NBEAL1: variants seen among roughly 807,000 people sequenced by gnomAD.
NBEAL1 encodes neurobeachin-like protein 1.
Under a neutral mutation model 351.3 loss-of-function variants are expected in NBEAL1, and 273 were observed. That is an observed-to-expected ratio of 0.78 (90% CI 0.70 to 0.86). The LOEUF is 0.86. NBEAL1 is among the 40% of genes least tolerant of loss of function. NBEAL1 has a pLI of 0.00. For missense variants in NBEAL1, 2,961 were observed against 3,201.3 expected, an observed-to-expected ratio of 0.92 and a Z score of 1.81; for synonymous variants, 1,050 against 1,086.4, an observed-to-expected ratio of 0.97 and a Z score of 0.66.
intron 18 of NBEAL1, among the ~76,000 whole-genome samples, chr2:203,119,538 G>A (rs942421608): frequency 7.0e-6 from 1 of 143,216 alleles, no homozygotes; most frequent in Non-Finnish European, 1.5e-5. Flanking sequence ...CGATTCTCCT[G>A]CCTCAGCCTC....
rs2065442021 is a variant in NBEAL1, at chr2:203,202,920, T to A, written c.7506+139T>A. 16 of 589,384 alleles carry A rather than the reference T, an allele frequency of 2.7e-5. No individual in the cohort carries two copies. In the South Asian group the frequency reaches 3.4e-4, roughly 13 times the overall value. 36.5% of individuals were successfully genotyped at this position (589,384 alleles called of 1,614,324 possible). On this transcript the variant is annotated intron_variant, in intron 51 of 55. Transcript: ENST00000683969. ...TATTCTTTTTACCCACATTTTGTCC[T>A]GTTCAAATCACCACATTTTTTCCTA...
chr2:203,050,440 T>G (rs1461901688), intron 4 of NBEAL1, among the ~76,000 whole-genome samples: 1 of 152,174 alleles, frequency 6.6e-6, no homozygotes, highest in African/African-American at 2.4e-5. Flanking sequence ...ATAGCAACAT[T>G]AGCCAACATT....
intron 35 of NBEAL1, 54 bp from the exon 36 acceptor site, chr2:203,157,645 G>T: frequency 7.4e-7 from 1 of 1,348,082 alleles, no homozygotes; most frequent in Non-Finnish European, 1.0e-6. Context: ...TTACAGAAAG[G>T]CTATAATATT....
At chr2:203,148,756 T>TGTTG (rs1159231526) in intron 33 of NBEAL1, among the ~76,000 whole-genome samples, 1 of 151,892 alleles carries the variant, frequency 6.6e-6, no homozygotes, top group Non-Finnish European at 1.5e-5. Context: ...ACGTGTTTAT[T>TGTTG]GTTGGTTGGT....
rs560030924 is a variant in NBEAL1 at position 203,187,175 on chromosome 2, C to T, written c.6706-1297C>T. Among the ~76,000 whole-genome samples the T allele has an allele frequency of 2.1e-5, 3 of 146,182 alleles. No individual in the cohort carries two copies. In the South Asian group the frequency reaches 6.2e-4, roughly 30 times the overall value. Reference sequence around the variant, plus strand: ...GTCCTCCTGGGCTCAGGTGATCCTCCCACCTCAGCCTCCTGAGTAGCTGGG... The same window carrying T: ...GTCCTCCTGGGCTCAGGTGATCCTCTCACCTCAGCCTCCTGAGTAGCTGGG... On this transcript the variant is annotated intron_variant, in intron 44 of 55. Coordinates refer to ENST00000683969, the MANE Select transcript of NBEAL1 (RefSeq NM_001378026.1).
At chr2:203,134,230 C>T (rs963179318) in intron 27 of NBEAL1, among the ~76,000 whole-genome samples, 2 of 151,988 alleles carry the variant, frequency 1.3e-5, no homozygotes, top group African/African-American at 2.4e-5. Flanking sequence ...TTCCTTTTCA[C>T]GTATAATTAG....
At chr2:203,078,967 C>G (rs2061825952) in intron 8 of NBEAL1, among the ~76,000 whole-genome samples, 1 of 152,120 alleles carries the variant, frequency 6.6e-6, no homozygotes, top group Admixed American at 6.6e-5. Context: ...AATGTAACTT[C>G]CAAGAAGAAA....
At chr2:203,206,596 T>G (rs1023655606) in intron 51 of NBEAL1, among the ~76,000 whole-genome samples, 4 of 31,306 alleles carry the variant, frequency 1.3e-4, no homozygotes, top group Non-Finnish European at 2.0e-4. Context: ...TCGTATTTTT[T>G]GGGTGGAGAA....
Position 203,188,605 on chromosome 2 carries a change from C to A in NBEAL1, c.6823+16C>A, listed in dbSNP as rs547116142. 7.1e-7 allele frequency: 1 copy of A among 1,407,170 alleles called. No individual in the cohort carries two copies. 87.2% of individuals were successfully genotyped at this position (1,407,170 alleles called of 1,614,324 possible). ...AGTTATGAAGGTATAAATCTATACA[C>A]TTTTTCTCTTGCTTTACCTTGATAG... On this transcript the variant is annotated intron_variant, in intron 45 of 55. Coordinates refer to ENST00000683969, the MANE Select transcript of NBEAL1 (RefSeq NM_001378026.1).
At chr2:203,021,372 T>C (rs1280830984) in intron 2 of NBEAL1, among the ~76,000 whole-genome samples, 1 of 151,630 alleles carries the variant, frequency 6.6e-6, no homozygotes, top group East Asian at 2.0e-4. Flanking sequence ...GGCAGGTGGA[T>C]CACTTGAGCT....
Position 203,108,065 on chromosome 2 carries a change from C to A in NBEAL1, c.1826C>A (p.Ser609Tyr). ...TTGTCACATAGTATGGCAGGAATTT[C>A]TGTGCCTCCCATACAGAAATGGCCA... is the stretch of plus-strand genomic sequence containing the variant. ...FNLSHSMAGI[S>Y]VPPIQKWPGS... Residue 609 changes from serine (S) to tyrosine (Y), a missense_variant, in exon 14 of 56, where the codon TCT becomes TAT. Ser to Tyr is a moderately radical substitution (Grantham distance 144, BLOSUM62 -2). Transcript: ENST00000683969. 1 of 1,552,546 alleles carries A rather than the reference C, an allele frequency of 6.4e-7. No homozygotes were observed. Among genetic ancestry groups the A allele is most frequent in the Non-Finnish European group, 8.7e-7 (1 of 1,147,250 alleles).
chr2:203,200,013 T>A (rs1018966494), intron 49 of NBEAL1, among the ~76,000 whole-genome samples: 2 of 152,262 alleles, frequency 1.3e-5, no homozygotes, highest in African/African-American at 4.8e-5. Flanking sequence ...CCAAAAGTTA[T>A]GTTCTCACTT....
intron 42 of NBEAL1, 84 bp from the exon 43 acceptor site, chr2:203,180,296 ACC>A: frequency 8.2e-7 from 1 of 1,218,924 alleles, no homozygotes; most frequent in South Asian, 1.3e-5. Context: ...ATCATTAGGA[ACC>A]CTGAAGGGAG....
At chr2:203,176,834 A>G (rs1441735179) in intron 42 of NBEAL1, among the ~76,000 whole-genome samples, 1 of 152,040 alleles carries the variant, frequency 6.6e-6, no homozygotes, top group Non-Finnish European at 1.5e-5. Context: ...AGATTGTATA[A>G]TACTTCAAAG....
chr2:203,156,069 C>T (rs571449536), intron 35 of NBEAL1, among the ~76,000 whole-genome samples: 1 of 152,252 alleles, frequency 6.6e-6, no homozygotes, highest in East Asian at 1.9e-4. Context: ...ATTATCTTTT[C>T]TCATATGTGT....
At chr2:203,072,727 AGAG>A (rs1289039773) in intron 7 of NBEAL1, among the ~76,000 whole-genome samples, 1 of 152,130 alleles carries the variant, frequency 6.6e-6, no homozygotes, top group Non-Finnish European at 1.5e-5. Context: ...TTTATGTTTG[AGAG>A]CTCACCAGAA....
intron 55 of NBEAL1, among the ~76,000 whole-genome samples, chr2:203,214,988 C>T (rs2065873301): frequency 6.6e-6 from 1 of 152,114 alleles, no homozygotes; most frequent in Non-Finnish European, 1.5e-5. Flanking sequence ...ATGTATTTGG[C>T]AAAAGAAGCA....
intron 35 of NBEAL1, among the ~76,000 whole-genome samples, chr2:203,155,779 T>G (rs900429130): frequency 6.6e-6 from 1 of 152,170 alleles, no homozygotes; most frequent in Admixed American, 6.5e-5. Context: ...GCTCTGCTGC[T>G]TAACCTCCTA....
chr2:203,119,423 G>GTTTTTTTTTTTTTTT (rs1559379701), intron 18 of NBEAL1, among the ~76,000 whole-genome samples: 1 of 21,430 alleles, frequency 4.7e-5, no homozygotes, highest in African/African-American at 9.3e-5. Context: ...ACGGCCTGTT[G>GTTTTTTTTTTTTTTT]CTTTTTTTTT....
Sources: gnomAD v4.1 joint callset for allele counts (sites outside exome capture counted in the v4.1 genomes callset) on GRCh38, gnomAD v4.1.1 for gene constraint, MANE v1.5 for transcripts, NCBI Gene and HGNC (gene_info 2026-07-23, HGNC 2026-07-21) for gene names.